Variants in MATCAP2 observed in about 807,000 individuals in gnomAD.
MATCAP2 encodes microtubule associated tyrosine carboxypeptidase 2.
the MATCAP2 span, among the ~76,000 whole-genome samples, chr7:36,343,907 A>C: frequency 6.0e-4 from 92 of 152,308 alleles, no homozygotes; most frequent in East Asian, 0.011. Flanking sequence ...TTTTCTTAGC[A>C]ATAAAAAGAC....
chr7:36,367,335 G>A, the MATCAP2 span: 4 of 999,550 alleles, frequency 4.0e-6, no homozygotes, highest in Non-Finnish European at 4.8e-6. Context: ...AGAGAGAGTG[G>A]GAGGAACTAC....
chr7:36,334,497 C>G, the MATCAP2 span, among the ~76,000 whole-genome samples: 1 of 129,616 alleles, frequency 7.7e-6, no homozygotes, highest in Non-Finnish European at 1.5e-5. Context: ...GATCCTGCCA[C>G]TGTGCCCAAG....
At chr7:36,363,117 G>A in the MATCAP2 span, among the ~76,000 whole-genome samples, 1 of 152,174 alleles carries the variant, frequency 6.6e-6, no homozygotes, top group African/African-American at 2.4e-5. Context: ...ATTATCCCAG[G>A]AAGGTAAAAG....
At chr7:36,337,585 C>T in the MATCAP2 span, 1 of 152,102 alleles carries the variant, frequency 6.6e-6, no homozygotes, top group Non-Finnish European at 1.5e-5. Flanking sequence ...GAGTTGATGC[C>T]ATGGCTCTGT....
At chr7:36,383,372 A>C in the MATCAP2 span, among the ~76,000 whole-genome samples, 1 of 152,230 alleles carries the variant, frequency 6.6e-6, no homozygotes, top group Non-Finnish European at 1.5e-5. Context: ...ACATATGTTT[A>C]CTGCGGCACT....
the MATCAP2 span, among the ~76,000 whole-genome samples, chr7:36,354,089 A>G: frequency 0.026 from 3,973 of 152,202 alleles, 89 homozygotes; most frequent in Non-Finnish European, 0.041. Flanking sequence ...AGACATCTTG[A>G]GTTTCTGTCA....
At chr7:36,376,284 T>A in the MATCAP2 span, among the ~76,000 whole-genome samples, 1 of 152,240 alleles carries the variant, frequency 6.6e-6, no homozygotes, top group African/African-American at 2.4e-5. Context: ...GATTCTGGTA[T>A]GTTGTGTCTT....
chr7:36,364,959 T>C, the MATCAP2 span, among the ~76,000 whole-genome samples: 1 of 152,198 alleles, frequency 6.6e-6, no homozygotes, highest in Non-Finnish European at 1.5e-5. Context: ...TGCCAAATTG[T>C]CTACCTCAGG....
At chr7:36,386,540 C>A in the MATCAP2 span, among the ~76,000 whole-genome samples, 4 of 150,230 alleles carry the variant, frequency 2.7e-5, no homozygotes, top group Admixed American at 2.7e-4. Flanking sequence ...AGCCACAAAC[C>A]AAAAAATTGG....
At chr7:36,372,089 G>A in the MATCAP2 span, among the ~76,000 whole-genome samples, 1 of 148,644 alleles carries the variant, frequency 6.7e-6, no homozygotes, top group Non-Finnish European at 1.5e-5. Flanking sequence ...AAAAAAAAAA[G>A]TTTAATTTCT....
At chr7:36,382,715 G>T in the MATCAP2 span, among the ~76,000 whole-genome samples, 10 of 152,134 alleles carry the variant, frequency 6.6e-5, no homozygotes, top group Non-Finnish European at 1.3e-4. Flanking sequence ...GGATGGTCTC[G>T]ATCTCCTGAC....
chr7:36,367,392 C>G, the MATCAP2 span: 1 of 969,068 alleles, frequency 1.0e-6, no homozygotes, highest in Non-Finnish European at 1.2e-6. Flanking sequence ...GGGCTTGTGG[C>G]TGTGCCCGCG....
chr7:36,336,385 T>G, the MATCAP2 span: 3 of 994,930 alleles, frequency 3.0e-6, no homozygotes, highest in South Asian at 2.1e-5. Context: ...TTGTGACCTA[T>G]TCTAGGTTTA....
the MATCAP2 span, among the ~76,000 whole-genome samples, chr7:36,360,433 T>A: frequency 2.6e-5 from 4 of 152,214 alleles, no homozygotes; most frequent in Non-Finnish European, 5.9e-5. Context: ...GTTCACTTGC[T>A]AATTATCTCC....
chr7:36,370,363 C>T, the MATCAP2 span, among the ~76,000 whole-genome samples: 12 of 152,302 alleles, frequency 7.9e-5, no homozygotes, highest in African/African-American at 2.9e-4. Context: ...CTATATTAAC[C>T]ATTAATATTG....
At chr7:36,365,559 G>A in the MATCAP2 span, among the ~76,000 whole-genome samples, 1 of 152,166 alleles carries the variant, frequency 6.6e-6, no homozygotes, top group Non-Finnish European at 1.5e-5. Context: ...AATCCGGCGG[G>A]CGTGGTAGCA....
chr7:36,341,428 T>A, the MATCAP2 span, among the ~76,000 whole-genome samples: 1 of 152,198 alleles, frequency 6.6e-6, no homozygotes, highest in Admixed American at 6.5e-5. Flanking sequence ...TTGTAATACA[T>A]CATGGGAAAT....
At chr7:36,369,605 A>G in the MATCAP2 span, among the ~76,000 whole-genome samples, 1 of 152,330 alleles carries the variant, frequency 6.6e-6, no homozygotes, top group Non-Finnish European at 1.5e-5. Flanking sequence ...TATTTTCATT[A>G]TATTTTAAGT....
chr7:36,370,383 G>A, the MATCAP2 span, among the ~76,000 whole-genome samples: 2 of 152,222 alleles, frequency 1.3e-5, no homozygotes, highest in African/African-American at 4.8e-5. Flanking sequence ...GAGACAAGAT[G>A]ATCGACTTAA....
Sources: gnomAD v4.1 joint callset for allele counts (sites outside exome capture counted in the v4.1 genomes callset) on GRCh38, gnomAD v4.1.1 for gene constraint, MANE v1.5 for transcripts, NCBI Gene and HGNC (gene_info 2026-07-23, HGNC 2026-07-21) for gene names.